The following RCC1 variants were observed in gnomAD, a reference collection of about 807,000 sequenced individuals.
RCC1 encodes regulator of chromosome condensation 1, also known as regulator of chromosome condensation.
RCC1 carries 11 observed loss-of-function variants against 44.4 expected under a neutral mutation model. The ratio of observed to expected loss-of-function variants is 0.25; its 90% confidence interval spans 0.16 to 0.41. The LOEUF (loss-of-function observed/expected upper bound fraction) is 0.41, where lower values mean the gene tolerates loss of function less well. RCC1 is among the 10% of genes least tolerant of loss of function. The pLI, the probability that RCC1 is intolerant of heterozygous loss-of-function variation, is 1.00. For synonymous variants in RCC1, 213 were observed against 216.5 expected (o/e 0.98, Z 0.14); for missense variants, 386 against 547.1 (o/e 0.71, Z 2.94).
chr1:28,537,252 C>T (rs895966706), intron 12 of RCC1, among the ~76,000 whole-genome samples: 2 of 152,004 alleles, frequency 1.3e-5, no homozygotes, highest in African/African-American at 4.8e-5. Flanking sequence ...TGTATGTTCC[C>T]GCTTTCCAGG....
Position 28,508,821 on chromosome 1 carries a change from T to C in RCC1, c.-228-9T>C. 1 of 517,464 alleles carries C rather than the reference T, an allele frequency of 1.9e-6. No homozygotes were observed. Among genetic ancestry groups the C allele is most frequent in the South Asian group, 1.4e-5 (1 of 71,420 alleles). 32.1% of individuals were successfully genotyped at this position (517,464 alleles called of 1,614,324 possible). ...TTCAGGAGTCTAATCATTATTTCTT[T>C]TCTTTTAGGAGAGAAGACGATCTGC... On this transcript the variant is annotated splice_polypyrimidine_tract_variant and intron_variant, in intron 2 of 12. Transcript: ENST00000683442.
At chr1:28,524,788 G>A (rs1342741285) in intron 4 of RCC1, among the ~76,000 whole-genome samples, 1 of 152,010 alleles carries the variant, frequency 6.6e-6, no homozygotes, top group Non-Finnish European at 1.5e-5. Flanking sequence ...GCTGCAGTGA[G>A]CCATGACCAT....
intron 5 of RCC1, among the ~76,000 whole-genome samples, chr1:28,530,313 ACTT>A (rs1409762012): frequency 6.6e-6 from 1 of 152,218 alleles, no homozygotes; most frequent in Non-Finnish European, 1.5e-5. Flanking sequence ...TGGATTATCA[ACTT>A]CTTAAAATGG....
In RCC1 at chr1:28,527,069, G is replaced by C. The variant is rs117978238; in HGVS notation, c.-9-2789G>C. The C allele has an allele frequency of 1.5e-3, 1,344 of 882,194 alleles. 20 individuals carry two copies. In the East Asian group the frequency reaches 0.031, roughly 20 times the overall value. 54.6% of individuals were successfully genotyped at this position (882,194 alleles called of 1,614,324 possible). A position where few individuals can be genotyped will look rare whatever the true frequency, so the allele number is the denominator to read the frequency against. ...TGCATGGTATGAGGAACTGGTACCA[G>C]AATTTTGCTTGACCGGAACCAGACC... is the stretch of plus-strand genomic sequence containing the variant. On this transcript the variant is annotated intron_variant, in intron 4 of 12. Coordinates refer to ENST00000683442, the MANE Select transcript of RCC1 (RefSeq NM_001381865.2).
rs766548792 is a variant in RCC1 at position 28,508,612 on chromosome 1, A to AG, written c.-228-214dup. ...TCCCCAGGCTCTGTCCAAGTGGCATAGGGGAGCTTAGGGCTCTGCCCCATG... is the reference window on the plus strand; with the variant it reads ...TCCCCAGGCTCTGTCCAAGTGGCATAGGGGGAGCTTAGGGCTCTGCCCCATG... On this transcript the variant is annotated intron_variant, in intron 2 of 12. Coordinates refer to ENST00000683442, the MANE Select transcript of RCC1 (RefSeq NM_001381865.2). 1.7e-5 allele frequency: 9 copies of AG among 518,730 alleles called. No homozygotes were observed. The Admixed American group carries it at 1.7e-4, about 10-fold the overall frequency. The allele number at this position is 518,730 out of a possible 1,614,324, so 32.1% of individuals were successfully genotyped here.
intron 1 of RCC1, 163 bp downstream of exon 1, chr1:28,506,247 AC>A (rs1444042387): frequency 4.5e-6 from 2 of 440,222 alleles, no homozygotes; most frequent in Non-Finnish European, 9.0e-6. Context: ...CTCAGGCTGG[AC>A]TGCAGTGCTC....
intron 4 of RCC1, among the ~76,000 whole-genome samples, chr1:28,528,189 C>T (rs1383261851): frequency 6.6e-6 from 1 of 151,522 alleles, no homozygotes; most frequent in Non-Finnish European, 1.5e-5. Flanking sequence ...GGCACAGTGG[C>T]TCACGCCTAT....
chr1:28,526,149 G>T (rs1488908001), intron 4 of RCC1, among the ~76,000 whole-genome samples: 2 of 152,124 alleles, frequency 1.3e-5, no homozygotes, highest in Admixed American at 6.6e-5. Flanking sequence ...GCTGGACACT[G>T]TGATGCGCAC....
At chr1:28,513,079 T>C (rs1662664278) in intron 3 of RCC1, among the ~76,000 whole-genome samples, 1 of 151,872 alleles carries the variant, frequency 6.6e-6, no homozygotes, top group African/African-American at 2.4e-5. Context: ...AGCCTCTTTT[T>C]TTTTTTTAGA....
intron 4 of RCC1, among the ~76,000 whole-genome samples, chr1:28,517,729 C>T (rs934841830): frequency 2.6e-5 from 4 of 152,130 alleles, no homozygotes; most frequent in African/African-American, 9.7e-5. Context: ...CTCCCATCTA[C>T]TTGGCAGTTT....
chr1:28,516,966 C>T (rs193243264), intron 4 of RCC1, 99 bp downstream of exon 4: 28 of 422,976 alleles, frequency 6.6e-5, no homozygotes, highest in Admixed American at 1.1e-4. Context: ...ACTAAAAATA[C>T]GAAAATTAGC....
chr1:28,534,494 A>T (rs1047143307), intron 7 of RCC1, among the ~76,000 whole-genome samples: 2 of 151,510 alleles, frequency 1.3e-5, no homozygotes, highest in Admixed American at 1.3e-4. Context: ...TTCTTTTTTA[A>T]TTAGAGACGA....
chr1:28,522,354 G>A (rs1410927686), intron 4 of RCC1, among the ~76,000 whole-genome samples: 1 of 152,058 alleles, frequency 6.6e-6, no homozygotes, highest in Non-Finnish European at 1.5e-5. Flanking sequence ...GAGAAGGGAG[G>A]ATGTGATAGA....
intron 2 of RCC1, 35 bp from the exon 3 acceptor site, chr1:28,508,795 C>A (rs773165051): frequency 1.4e-5 from 7 of 518,090 alleles, no homozygotes; most frequent in Non-Finnish European, 2.3e-5. Flanking sequence ...GAAGTAGGAT[C>A]TTCAGGAGTC....
intron 1 of RCC1, chr1:28,507,582 C>G (rs1662092045): frequency 2.0e-6 from 1 of 508,382 alleles, no homozygotes; most frequent in Non-Finnish European, 3.9e-6. Context: ...TTCTAGAGCA[C>G]TGAATCTGGA....
At chr1:28,526,071 G>A (rs940833483) in intron 4 of RCC1, among the ~76,000 whole-genome samples, 1 of 152,106 alleles carries the variant, frequency 6.6e-6, no homozygotes, top group African/African-American at 2.4e-5. Flanking sequence ...GATCGCTTGA[G>A]CCCAGGAGTT....
At position 28,514,590 on chromosome 1, in the gene RCC1, C is replaced by T. The variant is rs1464786769; in HGVS notation, c.-152-2135C>T. ...CAGCCTGACCAACATGGAGAAACCC[C>T]GTCTCTACTAAAAATACAAAATTAG... On this transcript the variant is annotated intron_variant, in intron 3 of 12. Coordinates refer to ENST00000683442, the MANE Select transcript of RCC1 (RefSeq NM_001381865.2). 5.9e-5 allele frequency among the ~76,000 whole-genome samples: 9 copies of T among 151,280 alleles called. No individual in the cohort carries two copies. In the East Asian group the frequency reaches 7.8e-4, roughly 13 times the overall value.
chr1:28,523,783 C>T (rs912148262), intron 4 of RCC1, among the ~76,000 whole-genome samples: 11 of 152,172 alleles, frequency 7.2e-5, no homozygotes, highest in Non-Finnish European at 1.0e-4. Flanking sequence ...AGATGTTTGC[C>T]TTGGCATACA....
At chr1:28,518,098 C>CCCGGCCAAGGG (rs1663002498) in intron 4 of RCC1, 7 of 152,116 alleles carry the variant, frequency 4.6e-5, no homozygotes, top group Non-Finnish European at 1.0e-4. Flanking sequence ...GGGGAGCCAG[C>CCCGGCCAAGGG]CTGGCCAAGG....
Sources: allele counts gnomAD v4.1 joint callset (sites outside exome capture counted in the v4.1 genomes callset), GRCh38; gene constraint gnomAD v4.1.1; transcripts MANE v1.5; gene names NCBI Gene and HGNC (gene_info 2026-07-23, HGNC 2026-07-21).